Variants in DSE observed in about 807,000 individuals in gnomAD.
The protein encoded by DSE is dermatan sulfate epimerase.
A neutral mutation model predicts 84.4 loss-of-function variants in DSE; 36 were observed. The observed-to-expected ratio is 0.43, with a 90% CI of 0.33 to 0.56. The LOEUF (loss-of-function observed/expected upper bound fraction) is 0.56. DSE is among the 20% of genes least tolerant of loss of function. The pLI is 0.06. For missense variants in DSE, 862 were observed against 1,169.6 expected (o/e 0.74, Z 3.84); for synonymous variants, 410 against 430.1 (o/e 0.95, Z 0.58).
chr6:116,348,203 G>A (rs1778104015), intron 2 of DSE, among the ~76,000 whole-genome samples: 1 of 152,162 alleles, frequency 6.6e-6, no homozygotes, highest in Non-Finnish European at 1.5e-5. Flanking sequence ...CAAAGCGGGT[G>A]GATTGTGAGG....
chr6:116,383,785 G>C (rs903898603), intron 1 of DSE, among the ~76,000 whole-genome samples: 6 of 152,118 alleles, frequency 3.9e-5, no homozygotes, highest in African/African-American at 1.4e-4. Flanking sequence ...TATTTGTCCT[G>C]TGTATCCATG....
At chr6:116,269,379 T>C (rs1456207580) in intron 2 of DSE, among the ~76,000 whole-genome samples, 1 of 152,216 alleles carries the variant, frequency 6.6e-6, no homozygotes, top group African/African-American at 2.4e-5. Context: ...ATGCTAAGAA[T>C]TACATTAAAT....
intron 2 of DSE, among the ~76,000 whole-genome samples, chr6:116,291,226 A>C (rs916533356): frequency 1.1e-4 from 16 of 152,140 alleles, no homozygotes; most frequent in African/African-American, 3.9e-4. Flanking sequence ...TGATACCAAT[A>C]ATTATAATAC....
intron 4 of DSE, chr6:116,432,726 C>A (rs1478588902): frequency 1.3e-5 from 2 of 151,718 alleles, no homozygotes; most frequent in African/African-American, 4.8e-5. Flanking sequence ...TCCAGTCTTA[C>A]CTGCTTTTAT....
intron 1 of DSE, among the ~76,000 whole-genome samples, chr6:116,391,228 T>G (rs932929530): frequency 6.6e-6 from 1 of 152,226 alleles, no homozygotes; most frequent in Non-Finnish European, 1.5e-5. Flanking sequence ...GAAATGTTCT[T>G]TGACTGTACA....
chr6:116,347,289 CA>C (rs1433662423), intron 2 of DSE, among the ~76,000 whole-genome samples: 4 of 151,742 alleles, frequency 2.6e-5, no homozygotes, highest in Non-Finnish European at 4.4e-5. Context: ...CATATGGAAC[CA>C]AAAAAAGAGC....
At chr6:116,313,000 TG>T (rs1416204107) in intron 2 of DSE, among the ~76,000 whole-genome samples, 1 of 152,182 alleles carries the variant, frequency 6.6e-6, no homozygotes, top group Non-Finnish European at 1.5e-5. Flanking sequence ...TGATCTTAGT[TG>T]GTGATACAGT....
chr6:116,259,801 TC>T (rs1362184533), intron 2 of DSE, among the ~76,000 whole-genome samples: 2 of 152,218 alleles, frequency 1.3e-5, no homozygotes. Flanking sequence ...CCATCCATGT[TC>T]CTGCAAAGGA....
intron 2 of DSE, among the ~76,000 whole-genome samples, chr6:116,271,507 G>A (rs1582916243): frequency 6.6e-6 from 1 of 152,170 alleles, no homozygotes; most frequent in Non-Finnish European, 1.5e-5. Context: ...GAGGGCCCCA[G>A]GGAATGTCAA....
chr6:116,352,900 T>C (rs1027972186), intron 2 of DSE, among the ~76,000 whole-genome samples: 2 of 152,284 alleles, frequency 1.3e-5, no homozygotes, highest in African/African-American at 4.8e-5. Context: ...TCCTCGTTTC[T>C]TTCTCCTTCC....
intron 2 of DSE, among the ~76,000 whole-genome samples, chr6:116,409,135 G>C (rs192839916): frequency 6.6e-6 from 1 of 152,232 alleles, no homozygotes; most frequent in East Asian, 1.9e-4. Flanking sequence ...ACAGTACATA[G>C]CATAATGTGT....
chr6:116,267,116 A>G (rs1437935209), intron 2 of DSE, among the ~76,000 whole-genome samples: 5 of 152,272 alleles, frequency 3.3e-5, no homozygotes, highest in Non-Finnish European at 5.9e-5. Context: ...GGTACAGTAC[A>G]TAATACTTGA....
At chr6:116,282,694 G>A (rs1466833869) in intron 2 of DSE, among the ~76,000 whole-genome samples, 1 of 152,206 alleles carries the variant, frequency 6.6e-6, no homozygotes, top group African/African-American at 2.4e-5. Flanking sequence ...TTACATTAGA[G>A]AAGTGATTGT....
chr6:116,282,358 AT>A (rs35546720), intron 2 of DSE, among the ~76,000 whole-genome samples: 5 of 151,378 alleles, frequency 3.3e-5, no homozygotes, highest in South Asian at 4.2e-4. Context: ...TATGTCTCCT[AT>A]TTTTTTTTAA....
intron 2 of DSE, among the ~76,000 whole-genome samples, chr6:116,289,407 A>G (rs1227927308): frequency 2.0e-5 from 3 of 152,006 alleles, no homozygotes; most frequent in South Asian, 2.1e-4. Context: ...AAGCATCTCA[A>G]TATCCTAAGA....
chr6:116,425,777 C>T (rs1783407128), intron 2 of DSE, among the ~76,000 whole-genome samples: 1 of 151,584 alleles, frequency 6.6e-6, no homozygotes, highest in Non-Finnish European at 1.5e-5. Flanking sequence ...CGCCCGCCAA[C>T]ACGCCCGGCT....
At chr6:116,389,671 G>T (rs796483402) in intron 1 of DSE, among the ~76,000 whole-genome samples, 2 of 152,080 alleles carry the variant, frequency 1.3e-5, no homozygotes, top group South Asian at 2.1e-4. Flanking sequence ...TTGAGATTTA[G>T]CTGTTGGCTT....
At chr6:116,338,014 C>G (rs1184999254) in intron 2 of DSE, among the ~76,000 whole-genome samples, 1 of 151,910 alleles carries the variant, frequency 6.6e-6, no homozygotes, top group Non-Finnish European at 1.5e-5. Context: ...TTTGCAGTTA[C>G]CTTGATTTTG....
chr6:116,350,979 A>G (rs1419901736), intron 2 of DSE, among the ~76,000 whole-genome samples: 1 of 151,886 alleles, frequency 6.6e-6, no homozygotes, highest in Non-Finnish European at 1.5e-5. Flanking sequence ...TCTGCATTAT[A>G]TTATTTTACA....
Sources: gnomAD v4.1 joint callset for allele counts (sites outside exome capture counted in the v4.1 genomes callset) on GRCh38, gnomAD v4.1.1 for gene constraint, MANE v1.5 for transcripts, NCBI Gene and HGNC (gene_info 2026-07-23, HGNC 2026-07-21) for gene names.